Variants in ABTB3 observed in about 807,000 individuals in gnomAD.
ABTB3 encodes ankyrin repeat- and BTB/POZ domain-containing protein 3.
At chr12:107,376,187 C>T in the ABTB3 span, among the ~76,000 whole-genome samples, 1 of 152,132 alleles carries the variant, frequency 6.6e-6, no homozygotes, top group Non-Finnish European at 1.5e-5. Flanking sequence ...CAGCCATCCC[C>T]TTCTGTCATC....
chr12:107,519,344 T>TTTG, the ABTB3 span, among the ~76,000 whole-genome samples: 1 of 150,860 alleles, frequency 6.6e-6, no homozygotes, highest in Non-Finnish European at 1.5e-5. Flanking sequence ...TTTTTTTTTT[T>TTTG]GACAGTCTTG....
At chr12:107,484,232 G>A in the ABTB3 span, among the ~76,000 whole-genome samples, 21 of 152,320 alleles carry the variant, frequency 1.4e-4, no homozygotes, top group African/African-American at 4.8e-4. Flanking sequence ...AGCAGTTCTG[G>A]TTATTGGGAG....
the ABTB3 span, among the ~76,000 whole-genome samples, chr12:107,652,979 T>C: frequency 6.6e-6 from 1 of 152,218 alleles, no homozygotes; most frequent in Admixed American, 6.5e-5. Flanking sequence ...TGGTGCAATC[T>C]AGGCTCACTG....
chr12:107,480,878 A>G, the ABTB3 span, among the ~76,000 whole-genome samples: 1 of 152,242 alleles, frequency 6.6e-6, no homozygotes, highest in African/African-American at 2.4e-5. Flanking sequence ...TGCCTGCATT[A>G]CAAAACCAAC....
the ABTB3 span, among the ~76,000 whole-genome samples, chr12:107,641,922 G>A: frequency 6.6e-6 from 1 of 152,126 alleles, no homozygotes; most frequent in Admixed American, 6.5e-5. Context: ...ATTAGATTAC[G>A]GTATAATAGG....
the ABTB3 span, among the ~76,000 whole-genome samples, chr12:107,497,085 A>G: frequency 6.2e-4 from 94 of 152,284 alleles, 1 homozygote; most frequent in Admixed American, 2.1e-3. Context: ...TACTTTGAAC[A>G]GTGCCTGGCA....
chr12:107,449,386 C>G, the ABTB3 span, among the ~76,000 whole-genome samples: 3 of 152,156 alleles, frequency 2.0e-5, no homozygotes, highest in Non-Finnish European at 1.5e-5. Flanking sequence ...GACAAGTAAC[C>G]AATGGATGTC....
the ABTB3 span, among the ~76,000 whole-genome samples, chr12:107,523,701 T>G: frequency 2.0e-5 from 3 of 152,162 alleles, no homozygotes; most frequent in Non-Finnish European, 4.4e-5. Flanking sequence ...TAAGGAAATA[T>G]CTACATTTTA....
the ABTB3 span, chr12:107,543,872 A>G: frequency 6.9e-7 from 1 of 1,450,490 alleles, no homozygotes; most frequent in Non-Finnish European, 9.4e-7. Context: ...AGAGATCTTC[A>G]GGTACAGTTT....
chr12:107,534,269 A>G, the ABTB3 span, among the ~76,000 whole-genome samples: 49 of 152,206 alleles, frequency 3.2e-4, no homozygotes, highest in African/African-American at 1.2e-3. Context: ...GAAACATAAC[A>G]TACCAAGATC....
chr12:107,474,772 C>T, the ABTB3 span, among the ~76,000 whole-genome samples: 4 of 152,096 alleles, frequency 2.6e-5, no homozygotes, highest in East Asian at 7.7e-4. Flanking sequence ...GTTCTTAAGG[C>T]AGCAGATGCC....
the ABTB3 span, among the ~76,000 whole-genome samples, chr12:107,651,313 G>C: frequency 3.9e-5 from 6 of 152,154 alleles, no homozygotes; most frequent in South Asian, 2.1e-4. Context: ...CATTTGAGTG[G>C]AGACCTGGAC....
At chr12:107,362,758 T>C in the ABTB3 span, among the ~76,000 whole-genome samples, 1 of 150,914 alleles carries the variant, frequency 6.6e-6, no homozygotes, top group African/African-American at 2.4e-5. Context: ...ATGCCACTGC[T>C]CTCCAGCCTG....
chr12:107,555,574 A>G, the ABTB3 span, among the ~76,000 whole-genome samples: 1 of 152,100 alleles, frequency 6.6e-6, no homozygotes, highest in Non-Finnish European at 1.5e-5. Flanking sequence ...GGGAAAACGG[A>G]AAAAAAATCT....
the ABTB3 span, among the ~76,000 whole-genome samples, chr12:107,447,053 G>A: frequency 2.6e-5 from 4 of 152,172 alleles, no homozygotes; most frequent in Non-Finnish European, 4.4e-5. Context: ...CAGAGCAGTC[G>A]GTTCCAGAAC....
At chr12:107,581,311 G>C in the ABTB3 span, 1 of 1,324,542 alleles carries the variant, frequency 7.5e-7, no homozygotes, top group African/African-American at 1.6e-5. Context: ...TCAGGTAGGC[G>C]CGGGGGCGGG....
the ABTB3 span, among the ~76,000 whole-genome samples, chr12:107,413,717 C>T: frequency 6.6e-6 from 1 of 152,194 alleles, no homozygotes; most frequent in East Asian, 1.9e-4. Context: ...GTGATTCCTA[C>T]GGTGGCTTCA....
the ABTB3 span, among the ~76,000 whole-genome samples, chr12:107,376,119 G>A: frequency 3.9e-5 from 6 of 152,104 alleles, no homozygotes; most frequent in African/African-American, 1.4e-4. Flanking sequence ...ACTTCTGTCT[G>A]GTATTTGCTC....
At chr12:107,547,919 T>C in the ABTB3 span, among the ~76,000 whole-genome samples, 1 of 152,180 alleles carries the variant, frequency 6.6e-6, no homozygotes, top group South Asian at 2.1e-4. Context: ...ATATTATACT[T>C]TTTGGGCTCT....
Sources: allele counts gnomAD v4.1 joint callset (sites outside exome capture counted in the v4.1 genomes callset), GRCh38; gene constraint gnomAD v4.1.1; transcripts MANE v1.5; gene names NCBI Gene and HGNC (gene_info 2026-07-23, HGNC 2026-07-21).